Variants in ECH1 observed in about 807,000 individuals in gnomAD.
ECH1 encodes the protein enoyl-CoA hydratase 1.
ECH1 carries 30 observed loss-of-function variants against 37.0 expected under a neutral mutation model. The observed-to-expected ratio is 0.81, with a 90% CI of 0.61 to 1.10. The LOEUF is 1.10. Ranked by LOEUF, ECH1 falls within the 50% of genes least tolerant of loss-of-function variation. ECH1 has a pLI of 0.00. For synonymous variants in ECH1, 178 were observed against 176.0 expected (o/e 1.01, Z -0.09); for missense variants, 456 against 441.6 (o/e 1.03, Z -0.29).
Position 38,815,851 on chromosome 19 carries a change from C to T in ECH1, c.882+6G>A. The T allele has an allele frequency of 6.2e-7, 1 of 1,614,120 alleles. No homozygotes were observed. The highest frequency in any genetic ancestry group is 8.5e-7 in the Non-Finnish European group (1 of 1,180,002). On this transcript the variant is annotated splice_donor_region_variant and intron_variant, in intron 9 of 9. Coordinates refer to ENST00000221418, the MANE Select transcript of ECH1 (RefSeq NM_001398.3). ...GGGCTGTGATTGGTCGGAGCGTGCA[C>T]CTTACCACGTAGTTGAGGCTCTCGG...
chr19:38,821,473 C>G (rs940089809), intron 3 of ECH1, among the ~76,000 whole-genome samples: 1 of 152,200 alleles, frequency 6.6e-6, no homozygotes, highest in Admixed American at 6.5e-5. Context: ...AGCCGGCTCC[C>G]TCTGCTTGCA....
Position 38,831,341 on chromosome 19 carries a change from G to T in ECH1, c.228C>A (p.Asn76Lys), listed in dbSNP as rs1295809699. 6.2e-7 allele frequency: 1 copy of T among 1,613,250 alleles called. No individual in the cohort carries two copies. Among genetic ancestry groups the T allele is most frequent in the African/African-American group, 1.3e-5 (1 of 74,900 alleles). ...AGACCTTGTTCATGGCATTCCTCTT[G>T]TTGGGCCGGTTGAGCTGGACATGCA... The part of the protein sequence containing the change: ...HVLHVQLNRP[N>K]KRNAMNKVFW... The change falls in exon 2 of 10, where the codon AAC (asparagine) becomes AAA (lysine). Residue 76 changes from asparagine (N) to lysine (K), a missense_variant. Asn to Lys is a moderately conservative substitution (Grantham distance 94, BLOSUM62 0). Coordinates refer to ENST00000221418, the MANE Select transcript of ECH1 (RefSeq NM_001398.3).
In ECH1 at chr19:38,831,782, C is replaced by CTTCG; in HGVS notation, c.-14_-11dup. On this transcript the variant is annotated 5_prime_UTR_variant, in exon 1 of 10. Transcript: ENST00000221418. ...CTATCCCCGCCGCCATCGCCGCCGC[C>CTTCG]TTCGTCTACTGCGTTCGGACGGAGT... 1 of 1,613,020 alleles carries CTTCG rather than the reference C, an allele frequency of 6.2e-7. No individual in the cohort carries two copies. Among genetic ancestry groups the CTTCG allele is most frequent in the Non-Finnish European group, 8.5e-7 (1 of 1,179,722 alleles).
chr19:38,823,891 A>T (rs1232205962), intron 3 of ECH1, among the ~76,000 whole-genome samples: 1 of 152,160 alleles, frequency 6.6e-6, no homozygotes, highest in Non-Finnish European at 1.5e-5. Flanking sequence ...CTCCTATAAG[A>T]ACGACTTCTA....
intron 3 of ECH1, among the ~76,000 whole-genome samples, chr19:38,828,669 G>A (rs1296734721): frequency 6.6e-6 from 1 of 152,036 alleles, no homozygotes; most frequent in African/African-American, 2.4e-5. Flanking sequence ...AGGCTGGAGT[G>A]CAGTGGCGCC....
intron 3 of ECH1, chr19:38,820,052 ACTT>A: frequency 1.4e-5 from 3 of 215,288 alleles, no homozygotes; most frequent in South Asian, 2.0e-4. Flanking sequence ...AGTCCCCCTT[ACTT>A]TTTTTTTTTT....
intron 3 of ECH1, among the ~76,000 whole-genome samples, chr19:38,826,471 A>G (rs1971740017): frequency 6.6e-6 from 1 of 152,254 alleles, no homozygotes; most frequent in Non-Finnish European, 1.5e-5. Flanking sequence ...CAGTCCCTAC[A>G]ACACCCCAAT....
chr19:38,828,781 A>G (rs369734346), intron 3 of ECH1, among the ~76,000 whole-genome samples: 1 of 151,232 alleles, frequency 6.6e-6, no homozygotes, highest in East Asian at 2.0e-4. Flanking sequence ...ATGCCTGGCT[A>G]ATATTCTTTT....
At chr19:38,830,883 G>A in intron 3 of ECH1, 195 bp downstream of exon 3, 1 of 585,314 alleles carries the variant, frequency 1.7e-6, no homozygotes, top group South Asian at 2.1e-5. Flanking sequence ...TTGAACCCGG[G>A]AGGTGGAGGT....
At chr19:38,823,699 C>A (rs567732405) in intron 3 of ECH1, among the ~76,000 whole-genome samples, 1 of 152,200 alleles carries the variant, frequency 6.6e-6, no homozygotes, top group Non-Finnish European at 1.5e-5. Flanking sequence ...AGTTCGTTGA[C>A]CCTGCAGCCA....
At position 38,817,056 on chromosome 19, in the gene ECH1, A is replaced by C. The variant is rs769343039; in HGVS notation, c.588+9T>G. The C allele has an allele frequency of 6.4e-7, 1 of 1,565,690 alleles. No homozygotes were observed. Among genetic ancestry groups the C allele is most frequent in the African/African-American group, 1.4e-5 (1 of 73,364 alleles). On this transcript the variant is annotated intron_variant, in intron 6 of 9. Transcript: ENST00000221418. ...CAGCTCTAAGCAGGAGCTCGGGAGG[A>C]TGACTCACCTTCACCTGGAAGAAAG...
rs1178969233 is a variant in ECH1 at position 38,818,254 on chromosome 19, G to A, written c.350-679C>T. 9 of 985,298 alleles carry A rather than the reference G, an allele frequency of 9.1e-6. No individual in the cohort carries two copies. The Admixed American group carries it at 1.8e-4, about 20-fold the overall frequency. The allele number at this position is 985,298 out of a possible 1,614,324, so 61.0% of individuals were successfully genotyped here. A position where few individuals can be genotyped will look rare whatever the true frequency, so the allele number is the denominator to read the frequency against. ...CAGCCTGGGACTCAAGGTCTGCAGC[G>A]TGAGCAATGCAGTCAATGGTGGTGA... On this transcript the variant is annotated intron_variant, in intron 3 of 9. Transcript: ENST00000221418.
At chr19:38,822,694 G>C (rs1029657106) in intron 3 of ECH1, among the ~76,000 whole-genome samples, 1 of 152,220 alleles carries the variant, frequency 6.6e-6, no homozygotes, top group African/African-American at 2.4e-5. Context: ...CTCAGGGATT[G>C]TAAACGCACC....
At chr19:38,818,752 C>T (rs2145371594) in intron 3 of ECH1, among the ~76,000 whole-genome samples, 1 of 152,326 alleles carries the variant, frequency 6.6e-6, no homozygotes, top group African/African-American at 2.4e-5. Flanking sequence ...TCCCAAAGTG[C>T]TGGGATTACA....
rs1971593285 is a variant in ECH1 at position 38,817,335 on chromosome 19, A to G, written c.504T>C (p.His168=). The change falls in exon 5 of 10, where the codon CAT becomes CAC. Residue 168 remains histidine, a synonymous_variant. Coordinates refer to ENST00000221418, the MANE Select transcript of ECH1 (RefSeq NM_001398.3). Reference sequence around the variant, plus strand: ...ACTCACCTCCGCCAATGCAGCCCCCATGGACGGCAGCAATCACGGGCTTGG... The same window carrying G: ...ACTCACCTCCGCCAATGCAGCCCCCGTGGACGGCAGCAATCACGGGCTTGG... ...RCPKPVIAAV[H]GGCIGGGVDL... 2 of 1,575,680 alleles carry G rather than the reference A, an allele frequency of 1.3e-6. No homozygotes were observed. The highest frequency in any genetic ancestry group is 1.7e-6 in the Non-Finnish European group (2 of 1,158,974).
At chr19:38,829,277 T>G (rs1315037495) in intron 3 of ECH1, among the ~76,000 whole-genome samples, 1 of 96,404 alleles carries the variant, frequency 1.0e-5, no homozygotes, top group Non-Finnish European at 1.9e-5. Context: ...AGAGTGAGAC[T>G]CCTTCTCCAA....
intron 3 of ECH1, among the ~76,000 whole-genome samples, chr19:38,825,898 G>C (rs1971732423): frequency 6.6e-6 from 1 of 152,204 alleles, no homozygotes; most frequent in Non-Finnish European, 1.5e-5. Context: ...ACAGGACAGA[G>C]GGTGCCCGGG....
At chr19:38,824,956 C>T (rs973787221) in intron 3 of ECH1, among the ~76,000 whole-genome samples, 2 of 152,190 alleles carry the variant, frequency 1.3e-5, no homozygotes, top group African/African-American at 2.4e-5. Flanking sequence ...TCCCCTTCTC[C>T]ATCTCTGATT....
intron 3 of ECH1, among the ~76,000 whole-genome samples, chr19:38,826,645 G>C (rs1600025381): frequency 6.6e-6 from 1 of 152,156 alleles, no homozygotes; most frequent in South Asian, 2.1e-4. Flanking sequence ...CCTCAAGGAT[G>C]CCTTCTTCTG....
Sources: allele counts gnomAD v4.1 joint callset (sites outside exome capture counted in the v4.1 genomes callset), GRCh38; gene constraint gnomAD v4.1.1; transcripts MANE v1.5; gene names NCBI Gene and HGNC (gene_info 2026-07-23, HGNC 2026-07-21).